The following CD44 variants were observed in gnomAD, a reference collection of about 807,000 sequenced individuals.
CD44 encodes the protein CD44 molecule (IN blood group), also known as CD44 antigen.
In CD44, 49 loss-of-function variants were observed where a neutral mutation model predicts 88.8. The ratio of observed to expected loss-of-function variants is 0.55; its 90% CI spans 0.44 to 0.70. The LOEUF is 0.70. CD44 is among the 30% of genes least tolerant of loss of function. The probability of loss-of-function intolerance (pLI) is 0.00; values close to 1 mark genes in which losing one functional copy is unlikely to be tolerated. For missense variants in CD44, 883 were observed against 913.8 expected, an observed-to-expected ratio of 0.97 and a Z score of 0.43; for synonymous variants, 325 against 312.3, an observed-to-expected ratio of 1.04 and a Z score of -0.43.
At chr11:35,215,078 C>G (rs992336621) in intron 15 of CD44, 164 bp downstream of exon 15, 2 of 417,442 alleles carry the variant, frequency 4.8e-6, no homozygotes, top group African/African-American at 2.0e-5. Context: ...CTGGACCCCA[C>G]CCTTAAGGTT....
intron 4 of CD44, among the ~76,000 whole-genome samples, chr11:35,189,319 T>G (rs996075): frequency 0.44 from 66,831 of 152,096 alleles, 15,236 homozygotes; most frequent in East Asian, 0.76. Flanking sequence ...AAAATCAAAA[T>G]CTTCATCATT....
chr11:35,186,504 G>C (rs1945694792), intron 3 of CD44, among the ~76,000 whole-genome samples: 1 of 151,570 alleles, frequency 6.6e-6, no homozygotes, highest in Non-Finnish European at 1.5e-5. Context: ...GTTTGCATTA[G>C]AGAAGGAGCC....
chr11:35,203,065 G>A (rs1247043544), intron 9 of CD44, among the ~76,000 whole-genome samples: 1 of 152,180 alleles, frequency 6.6e-6, no homozygotes, highest in Non-Finnish European at 1.5e-5. Flanking sequence ...ACTTGACAAA[G>A]AGAAGACAGC....
chr11:35,201,778 A>G lies in CD44; in HGVS notation c.1144A>G (p.Thr382Ala). The change falls in exon 9 of 18, where the codon ACA becomes GCA. Residue 382 changes from threonine (T) to alanine (A), a missense_variant. Thr to Ala is a moderately conservative substitution (Grantham distance 58, BLOSUM62 0). This residue lies in a region of CD44 where 631 missense variants were observed against 590.9 expected (regional missense o/e 1.07). Coordinates refer to ENST00000428726, the MANE Select transcript of CD44 (RefSeq NM_000610.4). The part of the protein sequence containing the change: ...HHEEEETPHS[T>A]STIQATPSST... ...TGAGGAAGAAGAGACCCCACATTCTACAAGCACAAGTAAGCAAGATGGCGG... is the reference window on the plus strand; with the variant it reads ...TGAGGAAGAAGAGACCCCACATTCTGCAAGCACAAGTAAGCAAGATGGCGG... The G allele has an allele frequency of 6.2e-7, 1 of 1,613,670 alleles. No homozygotes were observed. The highest frequency in any genetic ancestry group is 8.5e-7 in the Non-Finnish European group (1 of 1,179,666).
In CD44 at chr11:35,139,859, G is replaced by T. The variant is rs545145642; in HGVS notation, c.67+489G>T. Among the ~76,000 whole-genome samples, 17 of 152,372 alleles carry T rather than the reference G, an allele frequency of 1.1e-4. No homozygotes were observed. In the South Asian group the frequency reaches 3.5e-3, roughly 32 times the overall value. On this transcript the variant is annotated intron_variant, in intron 1 of 17. Transcript: ENST00000428726. ...ACAATTCCAAGTGTGAGACTAGCTG[G>T]CAATGGGTTTTCCAGAAAGGGGTCC...
intron 1 of CD44, among the ~76,000 whole-genome samples, chr11:35,173,240 C>T (rs2133575465): frequency 6.6e-6 from 1 of 152,298 alleles, no homozygotes; most frequent in South Asian, 2.1e-4. Context: ...CAGAGGCTCC[C>T]CTATCAGCCT....
In CD44 at chr11:35,230,227, T is replaced by TG. The variant is rs1204305537; in HGVS notation, c.*894_*895insG. ...GTTTTTGTTTTTTGTTTTTTGTTTT[T>TG]TTTTTTTGACACTGTCCAAAGGTTT... On this transcript the variant is annotated 3_prime_UTR_variant, in exon 18 of 18. Transcript: ENST00000428726. 1 of 151,334 alleles carries TG rather than the reference T, an allele frequency of 6.6e-6. No individual in the cohort carries two copies. The highest frequency in any genetic ancestry group is 1.5e-5 in the Non-Finnish European group (1 of 68,076). 9.4% of individuals were successfully genotyped at this position (151,334 alleles called of 1,614,324 possible).
intron 16 of CD44, among the ~76,000 whole-genome samples, chr11:35,221,090 C>T (rs374487874): frequency 7.9e-5 from 12 of 152,166 alleles, no homozygotes; most frequent in African/African-American, 2.7e-4. Flanking sequence ...AAAATATATA[C>T]CAAAATGTGA....
chr11:35,139,839 T>G (rs993060514), intron 1 of CD44, among the ~76,000 whole-genome samples: 12 of 152,176 alleles, frequency 7.9e-5, no homozygotes, highest in African/African-American at 2.2e-4. Context: ...GGATCACAAT[T>G]CCAAGTGTGA....
chr11:35,188,607 A>G (rs533683430), intron 4 of CD44, among the ~76,000 whole-genome samples: 4 of 152,044 alleles, frequency 2.6e-5, no homozygotes, highest in Non-Finnish European at 4.4e-5. Context: ...AGGGTGACTG[A>G]GACCTTGATT....
intron 5 of CD44, among the ~76,000 whole-genome samples, chr11:35,192,059 A>G (rs946905827): frequency 6.6e-6 from 1 of 152,220 alleles, no homozygotes; most frequent in African/African-American, 2.4e-5. Flanking sequence ...TGGTTTAGAA[A>G]TCAGGGAAAA....
At chr11:35,156,723 T>G (rs1941916443) in intron 1 of CD44, among the ~76,000 whole-genome samples, 2 of 152,232 alleles carry the variant, frequency 1.3e-5, no homozygotes, top group South Asian at 4.1e-4. Flanking sequence ...CTGTTACATT[T>G]ATCATGCTGT....
At chr11:35,209,042 A>G (rs891207803) in intron 12 of CD44, among the ~76,000 whole-genome samples, 3 of 152,234 alleles carry the variant, frequency 2.0e-5, no homozygotes, top group Admixed American at 6.5e-5. Context: ...CTTGCCAAAG[A>G]AGGACTTATA....
At chr11:35,225,136 G>A (rs1949611838) in intron 17 of CD44, among the ~76,000 whole-genome samples, 1 of 122,898 alleles carries the variant, frequency 8.1e-6, no homozygotes. Context: ...AACTGAGGAA[G>A]TGAATTTTTA....
intron 11 of CD44, among the ~76,000 whole-genome samples, 167 bp downstream of exon 11, chr11:35,206,410 C>T (rs1339591062): frequency 1.3e-5 from 2 of 151,964 alleles, no homozygotes; most frequent in African/African-American, 4.8e-5. Context: ...CTCATATTCA[C>T]CTGAATATGA....
chr11:35,152,408 A>G (rs1860496458), intron 1 of CD44, among the ~76,000 whole-genome samples: 1 of 152,180 alleles, frequency 6.6e-6, no homozygotes, highest in Admixed American at 6.5e-5. Context: ...TAAGATTAGG[A>G]CACTCTGCTC....
intron 17 of CD44, chr11:35,222,234 A>G (rs1949358955): frequency 2.7e-6 from 1 of 375,142 alleles, no homozygotes; most frequent in Non-Finnish European, 5.5e-6. Context: ...TCTGAGGCCC[A>G]GGGAACCTTT....
chr11:35,164,850 C>T (rs1007325951), intron 1 of CD44, among the ~76,000 whole-genome samples: 3 of 152,206 alleles, frequency 2.0e-5, no homozygotes, highest in Admixed American at 1.3e-4. Context: ...TGGGCTGCAG[C>T]CTTTGAGCTG....
Position 35,206,206 on chromosome 11 carries a change from C to T in CD44, c.1377C>T (p.His459=), listed in dbSNP as rs1018741798. The part of the protein sequence containing the change: ...SWTDFFNPIS[H]PMGRGHQAGR... The stretch of plus-strand genomic sequence containing the variant: ...CTGATTTCTTCAACCCAATCTCACA[C>T]CCCATGGGACGAGGTCATCAAGCAG... Residue 459 remains histidine, a synonymous_variant, in exon 11 of 18, where the codon CAC becomes CAT. Coordinates refer to ENST00000428726, the MANE Select transcript of CD44 (RefSeq NM_000610.4). 6.2e-7 allele frequency: 1 copy of T among 1,611,656 alleles called. No homozygotes were observed. Among genetic ancestry groups the T allele is most frequent in the East Asian group, 2.2e-5 (1 of 44,682 alleles).
Sources: gnomAD v4.1 joint callset for allele counts (sites outside exome capture counted in the v4.1 genomes callset) on GRCh38, gnomAD v4.1.1 for gene constraint, gnomAD v4.1.1 regional missense constraint, MANE v1.5 for transcripts, NCBI Gene and HGNC (gene_info 2026-07-23, HGNC 2026-07-21) for gene names.